The following ARHGEF26 variants were observed in gnomAD, a reference collection of about 807,000 sequenced individuals.
The protein encoded by ARHGEF26 is Rho guanine nucleotide exchange factor (GEF) 26.
Under a neutral mutation model 89.4 loss-of-function variants are expected in ARHGEF26, and 59 were observed. That is an observed-to-expected ratio of 0.66 (90% CI 0.54 to 0.82). The LOEUF is 0.82. ARHGEF26 is among the 40% of genes least tolerant of loss of function. The probability of loss-of-function intolerance (pLI) is 0.00; values close to 1 mark genes in which losing one functional copy is unlikely to be tolerated. For synonymous variants in ARHGEF26, 500 were observed against 428.4 expected (o/e 1.17, Z -2.06); for missense variants, 1,234 against 1,085.6 (o/e 1.14, Z -1.92).
intron 3 of ARHGEF26, among the ~76,000 whole-genome samples, chr3:154,126,581 G>T (rs1362634717): frequency 3.3e-5 from 5 of 152,138 alleles, no homozygotes; most frequent in Non-Finnish European, 7.3e-5. Context: ...GTCCCATTGT[G>T]TTCAGGAAAG....
intron 6 of ARHGEF26, among the ~76,000 whole-genome samples, chr3:154,183,996 G>A (rs531393149): frequency 1.4e-4 from 14 of 98,582 alleles, no homozygotes; most frequent in African/African-American, 4.8e-4. Context: ...TTTTTGAGAC[G>A]GAGTCTCGCT....
Position 154,149,426 on chromosome 3 carries a change from A to G in ARHGEF26, c.1307A>G (p.Glu436Gly), listed in dbSNP as rs79743495. 52 of 1,608,764 alleles carry G rather than the reference A, an allele frequency of 3.2e-5. No individual in the cohort carries two copies. Among genetic ancestry groups the G allele is most frequent in the Non-Finnish European group, 4.3e-5 (51 of 1,177,344 alleles). ...GGATTATCTCAGACAGTAAGCCAGG[A>G]GGAAAGAAAGAGACAAGAGGTATGT... ...RKGLSQTVSQEERKRQEAIFE... is the reference protein window; with the variant it reads ...RKGLSQTVSQGERKRQEAIFE... Residue 436 changes from glutamate (E) to glycine (G), a missense_variant, in exon 5 of 15, where the codon GAG becomes GGG. Transcript: ENST00000465093.
chr3:154,124,076 C>T (rs1353030668), intron 2 of ARHGEF26, among the ~76,000 whole-genome samples: 3 of 152,130 alleles, frequency 2.0e-5, no homozygotes, highest in Non-Finnish European at 4.4e-5. Context: ...GTGTTTTTTC[C>T]AACTCTGCAA....
chr3:154,186,951 G>GCGTGATCT lies in ARHGEF26; in HGVS notation c.1488-731_1488-724dup, dbSNP rs1465425508. The stretch of plus-strand genomic sequence containing the variant: ...TCTGTCGCCAGGCTGGAGTCCAGTG[G>GCGTGATCT]CGTGATCTCGGCTCACTGCAACCTC... On this transcript the variant is annotated intron_variant, in intron 6 of 14. Coordinates refer to ENST00000465093, the MANE Select transcript of ARHGEF26 (RefSeq NM_015595.4). 3.9e-5 allele frequency among the ~76,000 whole-genome samples: 5 copies of GCGTGATCT among 128,152 alleles called. No individual in the cohort carries two copies. The Admixed American group carries it at 4.6e-4, about 12-fold the overall frequency. 84.1% of individuals were successfully genotyped at this position (128,152 alleles called of 152,430 possible). A position where few individuals can be genotyped will look rare whatever the true frequency, so the allele number is the denominator to read the frequency against.
At chr3:154,124,339 C>G (rs1576674447) in intron 2 of ARHGEF26, 71 bp from the exon 3 acceptor site, 1 of 974,318 alleles carries the variant, frequency 1.0e-6, no homozygotes. Context: ...GCTGTATTTT[C>G]TATTTGGCTC....
intron 12 of ARHGEF26, among the ~76,000 whole-genome samples, chr3:154,241,593 G>A (rs1205982458): frequency 6.6e-6 from 1 of 152,240 alleles, no homozygotes; most frequent in Non-Finnish European, 1.5e-5. Flanking sequence ...CTTTATGCAA[G>A]GTCATCTTAA....
At position 154,181,896 on chromosome 3, in the gene ARHGEF26, G is replaced by A. The variant is rs373893862; in HGVS notation, c.1488-5789G>A. Among the ~76,000 whole-genome samples, 7 of 152,056 alleles carry A rather than the reference G, an allele frequency of 4.6e-5. No homozygotes were observed. The East Asian group carries it at 7.7e-4, about 17-fold the overall frequency. Reference sequence around the variant, plus strand: ...TTTCTTAGTAAAATAATAATAGAACGAAATTCTTTTACATGTTTCACCTTT... The same window carrying A: ...TTTCTTAGTAAAATAATAATAGAACAAAATTCTTTTACATGTTTCACCTTT... On this transcript the variant is annotated intron_variant, in intron 6 of 14. Transcript: ENST00000465093.
intron 6 of ARHGEF26, chr3:154,187,286 G>C: frequency 1.1e-6 from 1 of 871,044 alleles, no homozygotes; most frequent in Non-Finnish European, 1.4e-6. Context: ...TTCCCATAAA[G>C]AATTCTTGAA....
rs1449647734 is a variant in ARHGEF26 at position 154,257,525 on chromosome 3, T to TAAGAA, written c.*2053_*2057dup. On this transcript the variant is annotated 3_prime_UTR_variant, in exon 15 of 15. Coordinates refer to ENST00000465093, the MANE Select transcript of ARHGEF26 (RefSeq NM_015595.4). ...TATTTGAATCCTGTGAATTAATTTA[T>TAAGAA]AAGAATGTTAAACAGCTTTGGAAAT... The TAAGAA allele has an allele frequency of 6.6e-6, 1 of 152,250 alleles. No individual in the cohort carries two copies. Among genetic ancestry groups the TAAGAA allele is most frequent in the East Asian group, 1.9e-4 (1 of 5,200 alleles). 9.4% of individuals were successfully genotyped at this position (152,250 alleles called of 1,614,324 possible).
At chr3:154,243,632 G>T (rs1047341267) in intron 12 of ARHGEF26, among the ~76,000 whole-genome samples, 1 of 152,158 alleles carries the variant, frequency 6.6e-6, no homozygotes, top group African/African-American at 2.4e-5. Context: ...CCATAGGTCT[G>T]ACTCATATTT....
intron 4 of ARHGEF26, among the ~76,000 whole-genome samples, chr3:154,141,962 G>A (rs990428819): frequency 3.3e-5 from 5 of 152,102 alleles, no homozygotes; most frequent in African/African-American, 1.2e-4. Context: ...AACAAAACAA[G>A]GCTAAAACCC....
In ARHGEF26 at chr3:154,149,458, C is replaced by T. The variant is rs765651740; in HGVS notation, c.1326+13C>T. 1.7e-5 allele frequency: 27 copies of T among 1,600,838 alleles called. No individual in the cohort carries two copies. The highest frequency in any genetic ancestry group is 3.4e-5 in the South Asian group (3 of 88,384). On this transcript the variant is annotated intron_variant, in intron 5 of 14. Transcript: ENST00000465093. ...AAAGAGACAAGAGGTATGTTTCTAC[C>T]GAGCAGCTGCTTTAGAGCTCTGGAG...
chr3:154,163,986 T>C (rs1038059347), intron 6 of ARHGEF26, among the ~76,000 whole-genome samples: 1 of 152,164 alleles, frequency 6.6e-6, no homozygotes, highest in Non-Finnish European at 1.5e-5. Context: ...TAAACTACTT[T>C]ACAGTGATTT....
Position 154,225,918 on chromosome 3 carries a change from T to C in ARHGEF26, c.1998T>C (p.Val666=). 1 of 1,612,964 alleles carries C rather than the reference T, an allele frequency of 6.2e-7. No homozygotes were observed. Among genetic ancestry groups the C allele is most frequent in the Non-Finnish European group, 8.5e-7 (1 of 1,179,364 alleles). Residue 666 remains valine, a synonymous_variant, in exon 11 of 15, where the codon GTT becomes GTC. Transcript: ENST00000465093. ...LVKRGELTAY[V]EDTVLFSRRT... is the part of the protein sequence containing the mutation. Reference sequence around the variant, plus strand: ...AAAGAGGTGAATTGACAGCCTATGTTGAAGACACTGTGCTTTTCTCAAGAA... The same window carrying C: ...AAAGAGGTGAATTGACAGCCTATGTCGAAGACACTGTGCTTTTCTCAAGAA...
intron 9 of ARHGEF26, among the ~76,000 whole-genome samples, chr3:154,207,028 A>G (rs1195806426): frequency 6.6e-6 from 1 of 151,808 alleles, no homozygotes; most frequent in Non-Finnish European, 1.5e-5. Flanking sequence ...TTCCTATTAA[A>G]TAAATGGTAC....
At chr3:154,225,579 A>C (rs1324757343) in intron 10 of ARHGEF26, among the ~76,000 whole-genome samples, 1 of 152,098 alleles carries the variant, frequency 6.6e-6, no homozygotes, top group Non-Finnish European at 1.5e-5. Context: ...AAGGGTCATA[A>C]TTTTTTATTG....
intron 9 of ARHGEF26, among the ~76,000 whole-genome samples, chr3:154,209,569 A>G (rs1275277079): frequency 1.3e-5 from 2 of 151,690 alleles, no homozygotes; most frequent in Admixed American, 6.6e-5. Flanking sequence ...CCAGGTAGAG[A>G]CTCTTGTTCT....
intron 6 of ARHGEF26, among the ~76,000 whole-genome samples, chr3:154,186,198 G>A (rs1403193577): frequency 6.7e-6 from 1 of 150,336 alleles, no homozygotes; most frequent in East Asian, 2.0e-4. Flanking sequence ...CAGTCAGTGT[G>A]GTTAAAATTC....
intron 1 of ARHGEF26, among the ~76,000 whole-genome samples, 188 bp from the exon 2 acceptor site, chr3:154,121,754 G>T (rs1214759711): frequency 6.6e-6 from 1 of 152,176 alleles, no homozygotes; most frequent in African/African-American, 2.4e-5. Flanking sequence ...CCGCCTGGGC[G>T]GCAGCCCAGA....
Sources: allele counts gnomAD v4.1 joint callset (sites outside exome capture counted in the v4.1 genomes callset), GRCh38; gene constraint gnomAD v4.1.1; transcripts MANE v1.5; gene names NCBI Gene and HGNC (gene_info 2026-07-23, HGNC 2026-07-21).